TEX11: variants seen among roughly 807,000 people sequenced by gnomAD.
The protein encoded by TEX11 is testis expressed 11, also known as testis-expressed protein 11.
Under a neutral mutation model 84.4 loss-of-function variants are expected in TEX11, and 7 were observed. That is an observed-to-expected ratio of 0.08 (90% CI 0.05 to 0.16). TEX11 has a LOEUF of 0.16. TEX11 is among the 10% of genes least tolerant of loss of function. The pLI is 1.00. For missense variants in TEX11, 551 were observed against 660.5 expected, an observed-to-expected ratio of 0.83 and a Z score of 1.82; for synonymous variants, 264 against 222.8, an observed-to-expected ratio of 1.18 and a Z score of -1.64.
chrX:70,686,062 T>C (rs1000525066), intron 13 of TEX11, among the ~76,000 whole-genome samples: 5 of 111,785 alleles, frequency 4.5e-5, no homozygotes, highest in African/African-American at 6.5e-5. Context: ...GTGCAGAAGC[T>C]CTTCAGTTTA....
chrX:70,551,832 A>G (rs2088219045), intron 28 of TEX11, among the ~76,000 whole-genome samples: 1 of 112,084 alleles, frequency 8.9e-6, no homozygotes, highest in Non-Finnish European at 1.9e-5. Context: ...GGTTCATATC[A>G]TCACAGAGAA....
intron 7 of TEX11, among the ~76,000 whole-genome samples, chrX:70,840,622 C>T (rs998571793): frequency 5.4e-5 from 6 of 111,255 alleles, no homozygotes; most frequent in African/African-American, 2.0e-4. Context: ...CAAATTCACA[C>T]ATAACAATAT....
Position 70,555,726 on chromosome X carries a change from G to A in TEX11, c.2141-926C>T, listed in dbSNP as rs966719428. 1.7e-4 allele frequency among the ~76,000 whole-genome samples: 19 copies of A among 112,165 alleles called. No individual in the cohort carries two copies. The Admixed American group carries it at 1.7e-3, about 10-fold the overall frequency. On this transcript the variant is annotated intron_variant, in intron 25 of 29. Coordinates refer to ENST00000374333, the MANE Select transcript of TEX11 (RefSeq NM_031276.3). ...TGGGCCCTCCTTTCAGGATGAGTTT[G>A]TATAGAGTTGGTATTACATCTTCTT...
At chrX:70,528,152 T>C (rs1018120435), downstream of TEX11, among the ~76,000 whole-genome samples, 18 of 111,471 alleles carry the variant, frequency 1.6e-4, no homozygotes, top group African/African-American at 5.9e-4. Flanking sequence ...AGGACAAAGA[T>C]AGGCCTGGCT....
chrX:70,640,410 T>C (rs1318363342), intron 17 of TEX11, among the ~76,000 whole-genome samples: 2 of 103,812 alleles, frequency 1.9e-5, no homozygotes, highest in Non-Finnish European at 4.0e-5. Flanking sequence ...ATTCAGGAAA[T>C]ACAGAGAACG....
At position 70,752,829 on chromosome X, in the gene TEX11, A is replaced by G. The variant is rs1187219926; in HGVS notation, c.693-8610T>C. On this transcript the variant is annotated intron_variant, in intron 9 of 29. Transcript: ENST00000374333. ...TAAAGAGGTAGAAAAACAGTCTTGA[A>G]TCGCAGAAGCCACCCTTTTCCCGTC... Among the ~76,000 whole-genome samples the G allele has an allele frequency of 4.5e-5, 5 of 110,967 alleles. No individual in the cohort carries two copies. In the East Asian group the frequency reaches 1.4e-3, roughly 31 times the overall value.
At chrX:70,754,852 C>G (rs1295461073) in intron 9 of TEX11, among the ~76,000 whole-genome samples, 1 of 111,849 alleles carries the variant, frequency 8.9e-6, no homozygotes, top group African/African-American at 3.3e-5. Context: ...CCAGAGAATT[C>G]TCCCAGATTT....
chrX:70,636,358 C>T (rs765737057), intron 17 of TEX11, among the ~76,000 whole-genome samples: 1 of 111,066 alleles, frequency 9.0e-6, no homozygotes, highest in Non-Finnish European at 1.9e-5. Context: ...TCCAGTAGAC[C>T]CAGGGTCCAG....
intron 12 of TEX11, among the ~76,000 whole-genome samples, chrX:70,723,030 C>T (rs2090572530): frequency 9.0e-6 from 1 of 111,421 alleles, no homozygotes; most frequent in Non-Finnish European, 1.9e-5. Flanking sequence ...ACTTGTATGG[C>T]CATAGGCAAG....
chrX:70,727,930 T>C (rs957887158), intron 11 of TEX11, among the ~76,000 whole-genome samples: 2 of 112,283 alleles, frequency 1.8e-5, no homozygotes, highest in African/African-American at 6.5e-5. Flanking sequence ...ACCCAGTTTA[T>C]AGTATTTAGT....
intron 3 of TEX11, among the ~76,000 whole-genome samples, chrX:70,875,550 C>A (rs1300864826): frequency 9.6e-6 from 1 of 104,310 alleles, no homozygotes; most frequent in Non-Finnish European, 2.0e-5. Flanking sequence ...ACCAGCCTGG[C>A]CAACTTGGTG....
chrX:70,771,578 T>C (rs1010878366), intron 9 of TEX11, among the ~76,000 whole-genome samples: 1 of 112,275 alleles, frequency 8.9e-6, no homozygotes, highest in Non-Finnish European at 1.9e-5. Flanking sequence ...CCAAATCCAT[T>C]TCAATGATTC....
intron 24 of TEX11, among the ~76,000 whole-genome samples, chrX:70,593,692 T>C (rs373932585): frequency 2.7e-5 from 3 of 111,833 alleles, no homozygotes; most frequent in South Asian, 7.4e-4. Context: ...ATAAAAATTA[T>C]AAAAATCAGA....
At chrX:70,865,993 G>A (rs1285545873) in intron 4 of TEX11, among the ~76,000 whole-genome samples, 1 of 111,149 alleles carries the variant, frequency 9.0e-6, no homozygotes, top group Non-Finnish European at 1.9e-5. Flanking sequence ...AGAGAAGCAA[G>A]AGCAAACAAA....
At chrX:70,716,930 A>T (rs1194390297) in intron 13 of TEX11, among the ~76,000 whole-genome samples, 1 of 112,194 alleles carries the variant, frequency 8.9e-6, no homozygotes, top group Non-Finnish European at 1.9e-5. Flanking sequence ...TCCACCTCCA[A>T]TTAATCTTAT....
At chrX:70,862,972 G>A (rs1189776056) in intron 4 of TEX11, among the ~76,000 whole-genome samples, 6 of 109,547 alleles carry the variant, frequency 5.5e-5, no homozygotes, top group Admixed American at 9.8e-5. Context: ...AACACAGTGC[G>A]ACAAAGCGGC....
intron 24 of TEX11, among the ~76,000 whole-genome samples, chrX:70,593,299 A>G (rs959116796): frequency 3.1e-4 from 35 of 112,072 alleles, no homozygotes; most frequent in Admixed American, 1.9e-4. Context: ...CCTTCCAAAG[A>G]GTGACATCAG....
chrX:70,852,700 C>T (rs2091515225), intron 7 of TEX11, among the ~76,000 whole-genome samples: 2 of 111,789 alleles, frequency 1.8e-5, no homozygotes, highest in Non-Finnish European at 3.8e-5. Flanking sequence ...TCTTTTCAGG[C>T]AAATATTTTA....
At chrX:70,779,116 C>A (rs2091020290) in intron 9 of TEX11, among the ~76,000 whole-genome samples, 1 of 110,129 alleles carries the variant, frequency 9.1e-6, no homozygotes, top group Non-Finnish European at 1.9e-5. Context: ...AAAAACAATC[C>A]ATACCAAAAC....
Sources: gnomAD v4.1 joint callset for allele counts (sites outside exome capture counted in the v4.1 genomes callset) on GRCh38, gnomAD v4.1.1 for gene constraint, MANE v1.5 for transcripts, NCBI Gene and HGNC (gene_info 2026-07-23, HGNC 2026-07-21) for gene names.